FBXO38: variants seen among roughly 807,000 people sequenced by gnomAD.
FBXO38 encodes F-box protein 38.
FBXO38 carries 53 observed loss-of-function variants against 131.9 expected under a neutral mutation model. That is an observed-to-expected ratio of 0.40 (90% CI 0.32 to 0.51). The LOEUF is 0.51. Among genes scored for constraint, FBXO38 ranks in the 20% least tolerant of loss-of-function variants. The probability of loss-of-function intolerance (pLI) is 0.53; values close to 1 mark genes in which losing one functional copy is unlikely to be tolerated. For synonymous variants in FBXO38, 452 were observed against 505.6 expected, an observed-to-expected ratio of 0.89 and a Z score of 1.42; for missense variants, 1,076 against 1,475.6, an observed-to-expected ratio of 0.73 and a Z score of 4.44.
At chr5:148,438,304 G>A (rs375183145) in intron 17 of FBXO38, 28 bp from the exon 18 acceptor site, 65 of 1,610,692 alleles carry the variant, frequency 4.0e-5, no homozygotes, top group East Asian at 6.7e-5. Context: ...TGATATGTAC[G>A]GAGCTTACCA....
chr5:148,426,329 C>A (rs1753712884), intron 14 of FBXO38, among the ~76,000 whole-genome samples: 1 of 152,078 alleles, frequency 6.6e-6, no homozygotes, highest in African/African-American at 2.4e-5. Flanking sequence ...CCTTGGGTAC[C>A]CTTACTCCTT....
In FBXO38 at chr5:148,431,627, G is replaced by A. The variant is rs1754048265; in HGVS notation, c.2654-1797G>A. Among the ~76,000 whole-genome samples, 7 of 152,344 alleles carry A rather than the reference G, an allele frequency of 4.6e-5. No individual in the cohort carries two copies. In the South Asian group the frequency reaches 1.4e-3, roughly 32 times the overall value. ...TTCATTTTCATTTTTGTGGTACTGG[G>A]AGAGGGAACCAGGACTTACTAATGA... On this transcript the variant is annotated intron_variant, in intron 15 of 21. Transcript: ENST00000340253.
intron 1 of FBXO38, among the ~76,000 whole-genome samples, chr5:148,386,221 A>G (rs1385256246): frequency 6.6e-6 from 1 of 152,180 alleles, no homozygotes. Flanking sequence ...TCCAAGCACT[A>G]GGGCATTGCT....
intron 12 of FBXO38, among the ~76,000 whole-genome samples, chr5:148,419,739 G>A (rs1753293618): frequency 6.6e-6 from 1 of 152,050 alleles, no homozygotes; most frequent in Non-Finnish European, 1.5e-5. Flanking sequence ...GAGACCCGGA[G>A]TCTTAAAAAC....
chr5:148,402,904 CAGAG>C (rs140384684), intron 5 of FBXO38, among the ~76,000 whole-genome samples: 1 of 150,866 alleles, frequency 6.6e-6, no homozygotes, highest in Non-Finnish European at 1.5e-5. Context: ...CACACATACA[CAGAG>C]AGAGAGAGAG....
At chr5:148,387,319 T>A (rs1021324590) in intron 1 of FBXO38, among the ~76,000 whole-genome samples, 11 of 152,212 alleles carry the variant, frequency 7.2e-5, no homozygotes, top group Non-Finnish European at 5.9e-5. Flanking sequence ...AGAAGCAACT[T>A]CTCATCTGTT....
intron 9 of FBXO38, chr5:148,413,360 A>G (rs1173357147): frequency 2.0e-5 from 3 of 151,164 alleles, no homozygotes; most frequent in East Asian, 3.9e-4. Flanking sequence ...TTTGTCCTGC[A>G]TATTGGTTGA....
intron 9 of FBXO38, 88 bp downstream of exon 9, chr5:148,410,853 T>C (rs1752708173): frequency 7.9e-7 from 1 of 1,262,932 alleles, no homozygotes; most frequent in Admixed American, 2.6e-5. Flanking sequence ...GCCATGTCTT[T>C]TTGAACATAA....
chr5:148,409,077 A>C (rs1204018988), intron 7 of FBXO38, 47 bp from the exon 8 acceptor site: 1 of 1,032,806 alleles, frequency 9.7e-7, no homozygotes. Context: ...TAAATACTTC[A>C]CTAAAAATGC....
chr5:148,404,826 A>C lies in FBXO38; in HGVS notation c.730+4A>C. The C allele has an allele frequency of 6.3e-7, 1 of 1,590,906 alleles. No homozygotes were observed. The highest frequency in any genetic ancestry group is 8.5e-7 in the Non-Finnish European group (1 of 1,173,276). On this transcript the variant is annotated splice_donor_region_variant and intron_variant, in intron 6 of 21. Transcript: ENST00000340253. ...TTCGTCATGAGGAACTGTGCAGGTAATGGTACACAATTATGGTGGAATTAA... is the reference window on the plus strand; with the variant it reads ...TTCGTCATGAGGAACTGTGCAGGTACTGGTACACAATTATGGTGGAATTAA...
chr5:148,429,760 T>G (rs1753927324), intron 15 of FBXO38, among the ~76,000 whole-genome samples: 1 of 152,160 alleles, frequency 6.6e-6, no homozygotes, highest in Admixed American at 6.5e-5. Context: ...ATACAGAGCC[T>G]TCATATTAGC....
chr5:148,438,249 C>T (rs1754462758), intron 17 of FBXO38, 83 bp from the exon 18 acceptor site: 2 of 1,170,754 alleles, frequency 1.7e-6, no homozygotes, highest in South Asian at 1.5e-5. Context: ...ATGTTTGTTA[C>T]TGCAGTATTT....
chr5:148,414,372 T>C (rs1752935316), intron 10 of FBXO38, 66 bp downstream of exon 10: 16 of 1,314,108 alleles, frequency 1.2e-5, no homozygotes, highest in Non-Finnish European at 1.6e-5. Flanking sequence ...TTCCATGTTT[T>C]CTATGTGTGA....
intron 20 of FBXO38, 83 bp downstream of exon 20, chr5:148,440,610 T>G (rs1432586355): frequency 1.3e-6 from 1 of 794,026 alleles, no homozygotes; most frequent in Non-Finnish European, 2.0e-6. Flanking sequence ...GAGGCTGAGG[T>G]GGGAGGATCA....
Position 148,423,871 on chromosome 5 carries a change from C to T in FBXO38, c.1619-127C>T. ...ACAAGCACAGTGTATGCAGTATATG[C>T]TGTTCTTTCAGGGCAGGCCTAGTAA... On this transcript the variant is annotated intron_variant, in intron 12 of 21. Coordinates refer to ENST00000340253, the MANE Select transcript of FBXO38 (RefSeq NM_205836.3). 4 of 721,706 alleles carry T rather than the reference C, an allele frequency of 5.5e-6. No homozygotes were observed. The South Asian group carries it at 7.4e-5, about 13-fold the overall frequency. The allele number at this position is 721,706 out of a possible 1,614,324, so 44.7% of individuals were successfully genotyped here. A position where few individuals can be genotyped will look rare whatever the true frequency, so the allele number is the denominator to read the frequency against.
At position 148,394,691 on chromosome 5, in the gene FBXO38, ACTT is replaced by A. The variant is rs1758385508; in HGVS notation, c.-63-21_-63-19del. On this transcript the variant is annotated intron_variant, in intron 1 of 21. Coordinates refer to ENST00000340253, the MANE Select transcript of FBXO38 (RefSeq NM_205836.3). ...AGTAGGGGGTGTGTTTTTTTAGTCT[ACTT>A]CGTTCTGTTTGCTTTTCAGGTACTT... is the stretch of plus-strand genomic sequence containing the variant. 1.5e-6 allele frequency: 2 copies of A among 1,332,928 alleles called. No individual in the cohort carries two copies. Among genetic ancestry groups the A allele is most frequent in the Non-Finnish European group, 2.0e-6 (2 of 1,014,230 alleles). The allele number at this position is 1,332,928 out of a possible 1,614,324, so 82.6% of individuals were successfully genotyped here. A position where few individuals can be genotyped will look rare whatever the true frequency, so the allele number is the denominator to read the frequency against.
chr5:148,432,788 T>C (rs1260319374), intron 15 of FBXO38, among the ~76,000 whole-genome samples: 1 of 152,214 alleles, frequency 6.6e-6, no homozygotes, highest in African/African-American at 2.4e-5. Context: ...AACGAGCTGT[T>C]ATGTGAATGG....
chr5:148,412,321 C>A (rs1752809876), intron 9 of FBXO38, among the ~76,000 whole-genome samples: 1 of 152,092 alleles, frequency 6.6e-6, no homozygotes, highest in African/African-American at 2.4e-5. Context: ...TGGACGATAT[C>A]ATGAGGTCAC....
intron 17 of FBXO38, 28 bp from the exon 18 acceptor site, chr5:148,438,304 G>T: frequency 6.2e-7 from 1 of 1,610,808 alleles, no homozygotes; most frequent in East Asian, 2.2e-5. Flanking sequence ...TGATATGTAC[G>T]GAGCTTACCA....
Sources: gnomAD v4.1 joint callset for allele counts (sites outside exome capture counted in the v4.1 genomes callset) on GRCh38, gnomAD v4.1.1 for gene constraint, MANE v1.5 for transcripts, NCBI Gene and HGNC (gene_info 2026-07-23, HGNC 2026-07-21) for gene names.